Variants in DNAH9 observed in about 807,000 individuals in gnomAD.
DNAH9 encodes dynein axonemal heavy chain 9.
DNAH9 carries 345 observed loss-of-function variants against 471.6 expected under a neutral mutation model. That is an observed-to-expected ratio of 0.73 (90% CI 0.67 to 0.80). DNAH9 has a LOEUF of 0.80. Among genes scored for constraint, DNAH9 ranks in the 30% least tolerant of loss-of-function variants. The pLI is 0.00. For missense variants in DNAH9, 5,407 were observed against 5,609.2 expected, an observed-to-expected ratio of 0.96 and a Z score of 1.15; for synonymous variants, 2,093 against 2,123.6, an observed-to-expected ratio of 0.99 and a Z score of 0.40.
intron 27 of DNAH9, among the ~76,000 whole-genome samples, chr17:11,726,455 G>A (rs1414459577): frequency 6.6e-6 from 1 of 152,156 alleles, no homozygotes; most frequent in Non-Finnish European, 1.5e-5. Context: ...TGACCAAAAA[G>A]CCCTTTCTTC....
intron 52 of DNAH9, 56 bp from the exon 53 acceptor site, chr17:11,874,893 C>A: frequency 2.3e-6 from 3 of 1,313,170 alleles, no homozygotes; most frequent in South Asian, 1.2e-5. Flanking sequence ...GCATTCATCC[C>A]AGCTGAGAAT....
At chr17:11,615,045 C>T (rs542796303) in intron 4 of DNAH9, among the ~76,000 whole-genome samples, 14 of 152,230 alleles carry the variant, frequency 9.2e-5, no homozygotes, top group Admixed American at 3.9e-4. Context: ...TGCTGTGGCT[C>T]GTGAAGGGCT....
intron 42 of DNAH9, among the ~76,000 whole-genome samples, chr17:11,796,561 G>T (rs1291579544): frequency 6.6e-6 from 1 of 152,086 alleles, no homozygotes; most frequent in African/African-American, 2.4e-5. Context: ...AGGTTACAAG[G>T]CTTACCCTGC....
At chr17:11,909,408 A>G (rs1220505888) in intron 61 of DNAH9, among the ~76,000 whole-genome samples, 1 of 152,130 alleles carries the variant, frequency 6.6e-6, no homozygotes, top group East Asian at 1.9e-4. Context: ...GACAGTCCCT[A>G]TGCCCCCAAA....
intron 60 of DNAH9, among the ~76,000 whole-genome samples, chr17:11,904,630 CAAAA>C (rs202059757): frequency 1.8e-5 from 2 of 111,490 alleles, no homozygotes; most frequent in Non-Finnish European, 3.3e-5. Context: ...GACTCCATCT[CAAAA>C]AAAAAAAAAA....
At chr17:11,612,259 G>A in intron 4 of DNAH9, 1 of 236,218 alleles carries the variant, frequency 4.2e-6, no homozygotes, top group Non-Finnish European at 8.5e-6. Context: ...CTACCCTTCT[G>A]GCAAGACAGC....
chr17:11,932,313 T>C lies in DNAH9; in HGVS notation c.12297+108T>C. The stretch of plus-strand genomic sequence containing the variant: ...CTAGGATGGGGCCTGAGAATGTGCA[T>C]TTCTAACAAGCTCCCTCGTGATGCA... On this transcript the variant is annotated intron_variant, in intron 64 of 68. Coordinates refer to ENST00000262442, the MANE Select transcript of DNAH9 (RefSeq NM_001372.4). This position sits in a 1 kb window ranked among gnomAD's most constrained non-coding sequence, Gnocchi z 4.3. 1 of 1,161,418 alleles carries C rather than the reference T, an allele frequency of 8.6e-7. No homozygotes were observed. The highest frequency in any genetic ancestry group is 1.2e-6 in the Non-Finnish European group (1 of 837,252). The allele number at this position is 1,161,418 out of a possible 1,614,324, so 71.9% of individuals were successfully genotyped here.
chr17:11,831,641 C>T (rs1454397108), intron 48 of DNAH9, among the ~76,000 whole-genome samples: 2 of 152,110 alleles, frequency 1.3e-5, no homozygotes, highest in Non-Finnish European at 2.9e-5. Flanking sequence ...GTGATGCTAT[C>T]CCATCTTTCC....
At chr17:11,655,933 C>A (rs1399223889) in intron 14 of DNAH9, among the ~76,000 whole-genome samples, 1 of 151,956 alleles carries the variant, frequency 6.6e-6, no homozygotes, top group Non-Finnish European at 1.5e-5. Flanking sequence ...CATACATATA[C>A]ATATCACAAT....
chr17:11,767,984 C>G (rs1471658481), intron 36 of DNAH9, among the ~76,000 whole-genome samples: 2 of 152,088 alleles, frequency 1.3e-5, no homozygotes, highest in Non-Finnish European at 2.9e-5. Flanking sequence ...TAGCTGATAC[C>G]CAAACCCCTT....
chr17:11,725,181 C>T (rs1414823360), intron 27 of DNAH9, among the ~76,000 whole-genome samples: 1 of 148,442 alleles, frequency 6.7e-6, no homozygotes, highest in Non-Finnish European at 1.5e-5. Flanking sequence ...CGGCCTGGTT[C>T]CTTAACAGAC....
intron 42 of DNAH9, 75 bp downstream of exon 42, chr17:11,793,739 A>G: frequency 8.2e-7 from 1 of 1,220,274 alleles, no homozygotes; most frequent in Non-Finnish European, 1.1e-6. Context: ...ACCCAATGAT[A>G]AAATCTAGCT....
chr17:11,836,442 G>T (rs921363366), intron 49 of DNAH9, among the ~76,000 whole-genome samples: 1 of 152,136 alleles, frequency 6.6e-6, no homozygotes, highest in South Asian at 2.1e-4. Flanking sequence ...GACCAGTAAA[G>T]TTCTTAAATG....
At chr17:11,882,417 T>G (rs148640977) in intron 55 of DNAH9, among the ~76,000 whole-genome samples, 2 of 152,194 alleles carry the variant, frequency 1.3e-5, no homozygotes, top group South Asian at 4.1e-4. Flanking sequence ...GTGCTTTTTG[T>G]CCTCTCTTTA....
intron 61 of DNAH9, among the ~76,000 whole-genome samples, chr17:11,915,910 C>T (rs1485123525): frequency 1.3e-5 from 2 of 152,190 alleles, no homozygotes; most frequent in Admixed American, 1.3e-4. Context: ...TTGTCATTAA[C>T]ATCCTTGATG....
At chr17:11,791,280 T>C (rs1969054919) in intron 41 of DNAH9, among the ~76,000 whole-genome samples, 1 of 152,178 alleles carries the variant, frequency 6.6e-6, no homozygotes, top group Admixed American at 6.6e-5. Context: ...TGTTGAGAAA[T>C]TACCTTTAGA....
chr17:11,822,847 C>T lies in DNAH9; in HGVS notation c.9059C>T (p.Thr3020Ile), dbSNP rs367932061. ...AGCAAATTCATGGCCTTTGTCCACA[C>T]AAGTGTCAACCAAACATCCCAGTCT... ...SISKFMAFVH[T>I]SVNQTSQSYL... Residue 3020 changes from threonine (T) to isoleucine (I), a missense_variant, in exon 48 of 69, where the codon ACA becomes ATA. Transcript: ENST00000262442. 5.0e-6 allele frequency: 8 copies of T among 1,614,232 alleles called. No individual in the cohort carries two copies. The highest frequency in any genetic ancestry group is 8.5e-7 in the Non-Finnish European group (1 of 1,180,042).
At chr17:11,779,610 AG>A (rs1968594814) in intron 38 of DNAH9, among the ~76,000 whole-genome samples, 1 of 152,208 alleles carries the variant, frequency 6.6e-6, no homozygotes, top group Non-Finnish European at 1.5e-5. Context: ...GCTTAATTCC[AG>A]GGGTTGATTT....
In DNAH9 at chr17:11,822,325, G is replaced by A. The variant is rs567783822; in HGVS notation, c.8851-113G>A. 98 of 1,305,008 alleles carry A rather than the reference G, an allele frequency of 7.5e-5. No homozygotes were observed. The Middle Eastern group carries it at 2.4e-3, about 32-fold the overall frequency. 80.8% of individuals were successfully genotyped at this position (1,305,008 alleles called of 1,614,324 possible). A position where few individuals can be genotyped will look rare whatever the true frequency, so the allele number is the denominator to read the frequency against. On this transcript the variant is annotated intron_variant, in intron 46 of 68. Coordinates refer to ENST00000262442, the MANE Select transcript of DNAH9 (RefSeq NM_001372.4). ...GCTAGCATTTACAGATATTATCTCT[G>A]TTGGATGTGCTTCCCAATCTTCTGG...
Sources: allele counts gnomAD v4.1 joint callset (sites outside exome capture counted in the v4.1 genomes callset), GRCh38; gene constraint gnomAD v4.1.1; non-coding constraint Gnocchi (gnomAD v3.1); transcripts MANE v1.5; gene names NCBI Gene and HGNC (gene_info 2026-07-23, HGNC 2026-07-21).